Variants in PDE4D observed in about 807,000 individuals in gnomAD.
PDE4D encodes phosphodiesterase 4D, also known as 3',5'-cyclic-AMP phosphodiesterase 4D.
A neutral mutation model predicts 87.4 loss-of-function variants in PDE4D; 24 were observed. The observed-to-expected ratio is 0.27, with a 90% confidence interval of 0.20 to 0.39. PDE4D has a LOEUF of 0.39. Ranked by LOEUF, PDE4D falls within the 10% of genes least tolerant of loss-of-function variation. The pLI is 1.00. For synonymous variants in PDE4D, 384 were observed against 383.2 expected, an observed-to-expected ratio of 1.00 and a Z score of -0.02; for missense variants, 714 against 1,041.0, an observed-to-expected ratio of 0.69 and a Z score of 4.32.
At chr5:60,028,822 A>G (rs904466978) in intron 2 of PDE4D, among the ~76,000 whole-genome samples, 2 of 152,180 alleles carry the variant, frequency 1.3e-5, no homozygotes, top group African/African-American at 4.8e-5. Flanking sequence ...GGCACTCAAT[A>G]CATATTGATT....
chr5:59,545,973 C>G (rs1418457134), intron 1 of PDE4D, among the ~76,000 whole-genome samples: 4 of 152,132 alleles, frequency 2.6e-5, no homozygotes, highest in Admixed American at 1.3e-4. Flanking sequence ...CTGAGTCCAC[C>G]CCTTCGTATT....
chr5:60,274,700 C>T (rs1751191835), intron 1 of PDE4D, among the ~76,000 whole-genome samples: 1 of 152,192 alleles, frequency 6.6e-6, no homozygotes, highest in Non-Finnish European at 1.5e-5. Flanking sequence ...ATGTGCTCTT[C>T]AGTGACTCTA....
At chr5:60,478,697 C>T (rs1748506698) in intron 1 of PDE4D, among the ~76,000 whole-genome samples, 1 of 152,132 alleles carries the variant, frequency 6.6e-6, no homozygotes, top group South Asian at 2.1e-4. Flanking sequence ...TGCACTAAAG[C>T]ATAAACTTTC....
intron 1 of PDE4D, among the ~76,000 whole-genome samples, chr5:60,361,941 C>T (rs1288222453): frequency 6.6e-6 from 1 of 152,228 alleles, no homozygotes; most frequent in African/African-American, 2.4e-5. Flanking sequence ...AGGACCATGT[C>T]ACAGCCCAGA....
intron 1 of PDE4D, among the ~76,000 whole-genome samples, chr5:59,265,370 G>T (rs943688610): frequency 2.0e-5 from 3 of 151,920 alleles, no homozygotes. Context: ...CTAGATAGCA[G>T]TGTGTCTTCT....
At chr5:59,231,549 C>G (rs77493323) in intron 1 of PDE4D, among the ~76,000 whole-genome samples, 44 of 152,306 alleles carry the variant, frequency 2.9e-4, no homozygotes, top group Admixed American at 2.7e-3. Context: ...CTGCCACATC[C>G]TCCTAAACAC....
chr5:59,284,317 T>C (rs935312103), intron 1 of PDE4D, among the ~76,000 whole-genome samples: 5 of 152,144 alleles, frequency 3.3e-5, no homozygotes, highest in Admixed American at 2.6e-4. Context: ...CTGGAAAGGA[T>C]TGTTTTACCA....
intron 2 of PDE4D, among the ~76,000 whole-genome samples, chr5:60,135,810 C>T (rs148539155): frequency 1.9e-3 from 295 of 152,266 alleles, no homozygotes; most frequent in African/African-American, 6.8e-3. Context: ...TCCTTAATGG[C>T]CTCCTGTCTT....
At position 60,511,792 on chromosome 5, in the gene PDE4D, A is replaced by G. The variant is rs1194702395; in HGVS notation, n.70+10259T>C. On this transcript the variant is annotated intron_variant and non_coding_transcript_variant, in intron 1 of 2. Transcript: ENST00000506510. Reference sequence around the variant, plus strand: ...ATTATATTGTAGTGCATTTTAGTACAGAAAAAATATTTTAAAATATCAAAT... The same window carrying G: ...ATTATATTGTAGTGCATTTTAGTACGGAAAAAATATTTTAAAATATCAAAT... Among the ~76,000 whole-genome samples the G allele has an allele frequency of 3.9e-5, 6 of 152,008 alleles. No homozygotes were observed. The South Asian group carries it at 6.2e-4, about 16-fold the overall frequency.
chr5:59,414,804 C>A (rs1294591869), intron 1 of PDE4D, among the ~76,000 whole-genome samples: 5 of 152,174 alleles, frequency 3.3e-5, no homozygotes, highest in African/African-American at 1.2e-4. Flanking sequence ...TGGACTAGGA[C>A]TCTGGGGCTA....
chr5:59,270,756 TATGGCCATTAA>T (rs1488945302), intron 1 of PDE4D, among the ~76,000 whole-genome samples: 1 of 152,252 alleles, frequency 6.6e-6, no homozygotes, highest in East Asian at 1.9e-4. Flanking sequence ...TGAACACTTT[TATGGCCATTAA>T]AAAGATAATT....
chr5:59,091,914 G>A (rs1298347799), intron 5 of PDE4D, among the ~76,000 whole-genome samples: 1 of 152,106 alleles, frequency 6.6e-6, no homozygotes. Context: ...ATCACCAGGT[G>A]TGTATAACAT....
chr5:59,075,501 A>C (rs1411028856), intron 5 of PDE4D, among the ~76,000 whole-genome samples: 1 of 87,904 alleles, frequency 1.1e-5, no homozygotes, highest in East Asian at 2.2e-4. Context: ...CATTTGTTGC[A>C]AAAAAAAACC....
chr5:60,120,850 T>C (rs538477130), intron 2 of PDE4D, among the ~76,000 whole-genome samples: 1 of 152,076 alleles, frequency 6.6e-6, no homozygotes, highest in Non-Finnish European at 1.5e-5. Context: ...GGATGCAAAG[T>C]ATTGATCCTG....
chr5:60,112,299 C>T (rs978181773), intron 2 of PDE4D, among the ~76,000 whole-genome samples: 2 of 152,078 alleles, frequency 1.3e-5, no homozygotes, highest in South Asian at 2.1e-4. Context: ...TGCTTATGTG[C>T]CCAATTTCAG....
intron 1 of PDE4D, among the ~76,000 whole-genome samples, chr5:59,892,420 T>A (rs531300869): frequency 5.3e-5 from 8 of 152,178 alleles, no homozygotes; most frequent in South Asian, 2.1e-4. Flanking sequence ...GGACGACTGA[T>A]ACACACACGG....
chr5:60,088,126 A>G (rs1308171703), intron 2 of PDE4D, among the ~76,000 whole-genome samples: 1 of 152,022 alleles, frequency 6.6e-6, no homozygotes, highest in Non-Finnish European at 1.5e-5. Context: ...CAAATACAAA[A>G]AGCCAGCTAA....
At chr5:59,286,071 A>G (rs1297509202) in intron 1 of PDE4D, among the ~76,000 whole-genome samples, 1 of 152,188 alleles carries the variant, frequency 6.6e-6, no homozygotes, top group African/African-American at 2.4e-5. Context: ...TATCAACCAC[A>G]TGAAGACTGT....
chr5:59,075,765 T>G (rs554721040), intron 5 of PDE4D, among the ~76,000 whole-genome samples: 4 of 152,268 alleles, frequency 2.6e-5, no homozygotes, highest in African/African-American at 9.6e-5. Context: ...AAGTATTGTC[T>G]TTTAGAATAC....
Sources: gnomAD v4.1 joint callset for allele counts (sites outside exome capture counted in the v4.1 genomes callset) on GRCh38, gnomAD v4.1.1 for gene constraint, MANE v1.5 for transcripts, NCBI Gene and HGNC (gene_info 2026-07-23, HGNC 2026-07-21) for gene names.